The following CDON variants were observed in gnomAD, a reference collection of about 807,000 sequenced individuals.
The protein encoded by CDON is cell adhesion associated, oncogene regulated, also known as cell adhesion molecule-related/down-regulated by oncogenes.
CDON carries 73 observed loss-of-function variants against 120.9 expected under a neutral mutation model. The ratio of observed to expected loss-of-function variants is 0.60; its 90% CI spans 0.50 to 0.73. The LOEUF is 0.73. CDON is among the 30% of genes least tolerant of loss of function. CDON has a pLI of 0.00. For missense variants in CDON, 1,470 were observed against 1,587.3 expected, an observed-to-expected ratio of 0.93 and a Z score of 1.26; for synonymous variants, 566 against 573.5, an observed-to-expected ratio of 0.99 and a Z score of 0.19.
intron 1 of CDON, among the ~76,000 whole-genome samples, chr11:126,052,982 T>C (rs1948603169): frequency 6.6e-6 from 1 of 152,102 alleles, no homozygotes; most frequent in Admixed American, 6.5e-5. Context: ...ATCTAAGAAT[T>C]TGGATAGCCA....
chr11:126,008,763 C>T (rs1947203403), intron 8 of CDON, among the ~76,000 whole-genome samples: 1 of 152,200 alleles, frequency 6.6e-6, no homozygotes, highest in Admixed American at 6.5e-5. Context: ...AATATAAACA[C>T]ACACGCACAT....
intron 1 of CDON, among the ~76,000 whole-genome samples, chr11:126,028,783 T>C (rs1324959119): frequency 6.6e-6 from 1 of 151,816 alleles, no homozygotes; most frequent in Non-Finnish European, 1.5e-5. Flanking sequence ...CATTCTCTTT[T>C]GGATAGTTAG....
At chr11:126,063,091 G>A (rs915765161), upstream of CDON, 44 of 152,310 alleles carry the variant, frequency 2.9e-4, no homozygotes, top group African/African-American at 1.0e-3. Flanking sequence ...GCCGTACCAA[G>A]TGACGGAGGG....
intron 7 of CDON, among the ~76,000 whole-genome samples, chr11:126,013,180 T>A (rs570911750): frequency 6.6e-6 from 1 of 152,372 alleles, no homozygotes; most frequent in East Asian, 1.9e-4. Context: ...AGTGGATTCC[T>A]GGGATAACTG....
At chr11:126,027,274 C>T (rs1207193484) in intron 1 of CDON, among the ~76,000 whole-genome samples, 1 of 152,190 alleles carries the variant, frequency 6.6e-6, no homozygotes, top group Admixed American at 6.5e-5. Flanking sequence ...TTAGAGTCAA[C>T]AGCCAGTAAC....
At chr11:125,984,586 AC>A (rs762347665) in intron 15 of CDON, among the ~76,000 whole-genome samples, 52 of 152,030 alleles carry the variant, frequency 3.4e-4, no homozygotes, top group Non-Finnish European at 5.9e-4. Flanking sequence ...AATCCCAGCT[AC>A]TGGGGAGGCT....
rs960755457 is a variant in CDON, at chr11:125,981,466, T to C, written c.2996-137A>G. On this transcript the variant is annotated intron_variant, in intron 16 of 19. Coordinates refer to ENST00000531738, the MANE Select transcript of CDON (RefSeq NM_001378964.1). ...CACAGTAAGACACTAAAAAGGACAA[T>C]CTTCTTGCTGAGAAGGTCTTACAGA... 3 of 889,896 alleles carry C rather than the reference T, an allele frequency of 3.4e-6. No individual in the cohort carries two copies. The African/African-American group carries it at 5.0e-5, about 15-fold the overall frequency. 55.1% of individuals were successfully genotyped at this position (889,896 alleles called of 1,614,324 possible). A position where few individuals can be genotyped will look rare whatever the true frequency, so the allele number is the denominator to read the frequency against.
At position 126,054,047 on chromosome 11, in the gene CDON, T is replaced by C. The variant is rs1948630374; in HGVS notation, c.-62+8532A>G. Among the ~76,000 whole-genome samples the C allele has an allele frequency of 2.6e-5, 4 of 152,214 alleles. No individual in the cohort carries two copies. The South Asian group carries it at 8.3e-4, about 31-fold the overall frequency. ...TCACTACAATAATTTCATGGCCTGA[T>C]AAAAGCAGTATTTTATCCATTAAAC... On this transcript the variant is annotated intron_variant, in intron 1 of 19. Transcript: ENST00000531738.
At chr11:125,980,471 T>C (rs1946264915) in intron 17 of CDON, among the ~76,000 whole-genome samples, 1 of 152,224 alleles carries the variant, frequency 6.6e-6, no homozygotes, top group East Asian at 1.9e-4. Flanking sequence ...TACGTATGTT[T>C]TCAAAAATTT....
At chr11:125,981,381 CACATGCACATACGCACACACGCAT>C in intron 16 of CDON, 52 bp from the exon 17 acceptor site, 1 of 1,559,392 alleles carries the variant, frequency 6.4e-7, no homozygotes, top group Non-Finnish European at 8.7e-7. Flanking sequence ...CACGCACGCA[CACATGCACATACGCACACACGCAT>C]GCACACATGC....
intron 7 of CDON, among the ~76,000 whole-genome samples, chr11:126,012,860 T>C (rs946763261): frequency 1.3e-5 from 2 of 152,314 alleles, no homozygotes; most frequent in East Asian, 1.9e-4. Flanking sequence ...TATCCAGCTG[T>C]AAATTAACAA....
At chr11:125,964,368 G>A (rs1248620244) in intron 18 of CDON, among the ~76,000 whole-genome samples, 4 of 152,224 alleles carry the variant, frequency 2.6e-5, no homozygotes, top group African/African-American at 9.6e-5. Flanking sequence ...GAAGAGTGAA[G>A]CAGGAAGAGA....
Position 125,981,104 on chromosome 11 carries a change from C to T in CDON, c.3221G>A (p.Ser1074Asn), listed in dbSNP as rs779766563. 10 of 1,614,056 alleles carry T rather than the reference C, an allele frequency of 6.2e-6. No individual in the cohort carries two copies. In the East Asian group the frequency reaches 2.2e-4, roughly 36 times the overall value. The stretch of plus-strand genomic sequence containing the variant: ...CACGTGTGTCCTGGTTAGAGAGTTG[C>T]TGTGCCCGGAGTAAAGCCCTCCATT... ...SLNGGLYSGH[S>N]NSLTRTHVDF... The change falls in exon 17 of 20, where the codon AGC becomes AAC. Residue 1074 changes from serine to asparagine, a missense_variant. Coordinates refer to ENST00000531738, the MANE Select transcript of CDON (RefSeq NM_001378964.1).
At position 126,059,263 on chromosome 11, in the gene CDON, C is replaced by T. The variant is rs561685462; in HGVS notation, c.-62+3316G>A. Among the ~76,000 whole-genome samples, 17 of 152,286 alleles carry T rather than the reference C, an allele frequency of 1.1e-4. No homozygotes were observed. The South Asian group carries it at 3.3e-3, about 30-fold the overall frequency. On this transcript the variant is annotated intron_variant, in intron 1 of 19. Transcript: ENST00000531738. The stretch of plus-strand genomic sequence containing the variant: ...CTGCAACGTGTATATGCTTGTGCTT[C>T]GGAGGGAAAGCAGAGAAGCCACTTT...
intron 7 of CDON, 40 bp downstream of exon 7, chr11:126,015,201 A>C (rs1320595667): frequency 6.3e-7 from 1 of 1,596,020 alleles, no homozygotes; most frequent in Non-Finnish European, 8.6e-7. Flanking sequence ...CCCATCTGTA[A>C]AATAAAAGTT....
At chr11:125,985,423 G>A (rs1048112992) in intron 15 of CDON, among the ~76,000 whole-genome samples, 7 of 152,134 alleles carry the variant, frequency 4.6e-5, no homozygotes, top group African/African-American at 1.4e-4. Flanking sequence ...CAAGTGATCC[G>A]CCCGCCTTGG....
chr11:125,962,715 G>A (rs867541313), intron 18 of CDON, among the ~76,000 whole-genome samples: 2 of 151,896 alleles, frequency 1.3e-5, no homozygotes, highest in South Asian at 2.1e-4. Flanking sequence ...ATTAACTTGT[G>A]GTCTCCAACA....
Position 126,023,146 on chromosome 11 carries a change from T to C in CDON, c.76+255A>G, listed in dbSNP as rs1463622988. On this transcript the variant is annotated intron_variant, in intron 2 of 19. Transcript: ENST00000531738. ...TTAAAAAAAGCATGATTGGAAAATA[T>C]GTATTTTTTTTTAAAAAATGAAAGG... Among the ~76,000 whole-genome samples, 10 of 89,310 alleles carry C rather than the reference T, an allele frequency of 1.1e-4. 1 individual carries two copies. The highest frequency in any genetic ancestry group is 5.9e-4 in the Admixed American group (6 of 10,186). 58.6% of individuals were successfully genotyped at this position (89,310 alleles called of 152,430 possible).
intron 1 of CDON, among the ~76,000 whole-genome samples, chr11:126,047,902 T>C (rs979037743): frequency 6.6e-6 from 1 of 152,182 alleles, no homozygotes; most frequent in African/African-American, 2.4e-5. Flanking sequence ...TACGTTTATA[T>C]AAAATAAGGA....
Sources: gnomAD v4.1 joint callset for allele counts (sites outside exome capture counted in the v4.1 genomes callset) on GRCh38, gnomAD v4.1.1 for gene constraint, MANE v1.5 for transcripts, NCBI Gene and HGNC (gene_info 2026-07-23, HGNC 2026-07-21) for gene names.